Variants in MAP9 observed in about 807,000 individuals in gnomAD.
MAP9 encodes the protein microtubule associated protein 9, also known as microtubule-associated protein 9.
Under a neutral mutation model 75.2 loss-of-function variants are expected in MAP9, and 80 were observed. The ratio of observed to expected loss-of-function variants is 1.06; its 90% CI spans 0.89 to 1.28. The LOEUF (loss-of-function observed/expected upper bound fraction) is 1.28. Ranked by LOEUF, MAP9 falls within the 50% of genes most tolerant of loss-of-function variation. MAP9 has a pLI of 0.00. For missense variants in MAP9, 753 were observed against 719.9 expected (o/e 1.05, Z -0.53); for synonymous variants, 235 against 237.3 (o/e 0.99, Z 0.09).
intron 3 of MAP9, among the ~76,000 whole-genome samples, chr4:155,374,643 G>A (rs1276951201): frequency 6.6e-6 from 1 of 152,148 alleles, no homozygotes; most frequent in African/African-American, 2.4e-5. Context: ...CTTCTTCAAT[G>A]TGGTTTACCA....
intron 5 of MAP9, among the ~76,000 whole-genome samples, chr4:155,366,558 AT>A (rs1002448083): frequency 1.6e-4 from 25 of 152,326 alleles, no homozygotes; most frequent in African/African-American, 6.0e-4. Flanking sequence ...AAAACGTTTA[AT>A]AAAACTAAGC....
intron 7 of MAP9, among the ~76,000 whole-genome samples, chr4:155,359,450 G>A (rs991131837): frequency 6.6e-6 from 1 of 151,962 alleles, no homozygotes; most frequent in Admixed American, 6.6e-5. Context: ...AGGTGAGAGG[G>A]AGGTGCGGGA....
In MAP9 at chr4:155,373,448, C is replaced by A; in HGVS notation, c.169G>T (p.Gly57Cys). The A allele has an allele frequency of 2.0e-6, 3 of 1,514,402 alleles. No individual in the cohort carries two copies. The highest frequency in any genetic ancestry group is 1.3e-5 in the South Asian group (1 of 76,168). The allele number at this position is 1,514,402 out of a possible 1,614,324, so 93.8% of individuals were successfully genotyped here. Residue 57 changes from glycine to cysteine, a missense_variant, in exon 4 of 14, where the codon GGT becomes TGT. Physicochemically the swap from Gly to Cys is radical, Grantham distance 159 (BLOSUM62 -3). Coordinates refer to ENST00000311277, the MANE Select transcript of MAP9 (RefSeq NM_001039580.2). ...TCTGCTGAAGTGTCAGAAAAATCACCTAAAGAAACTGAAAAATGGAAAAGA... is the reference window on the plus strand; with the variant it reads ...TCTGCTGAAGTGTCAGAAAAATCACATAAAGAAACTGAAAAATGGAAAAGA... ...DFDSDEIVSL[G>C]DFSDTSADEN...
rs1321758450 is a variant in MAP9, at chr4:155,373,256, A to G, written c.361T>C (p.Cys121Arg). 1 of 1,613,348 alleles carries G rather than the reference A, an allele frequency of 6.2e-7. No individual in the cohort carries two copies. The highest frequency in any genetic ancestry group is 2.2e-5 in the East Asian group (1 of 44,820). Residue 121 changes from cysteine to arginine, a missense_variant, in exon 4 of 14, where the codon TGT becomes CGT. Transcript: ENST00000311277. ...AAAGATTTTACAACAATGTCTTCAC[A>G]CCCATCAGGTGCCATTTCCTCTTCA... ...KNEEEMAPDG[C>R]EDIVVKSFSE... is the part of the protein sequence containing the mutation.
Position 155,344,170 on chromosome 4 carries a change from C to T in MAP9, c.*3613G>A, listed in dbSNP as rs1185705810. 6.6e-6 allele frequency: 1 copy of T among 151,840 alleles called. No individual in the cohort carries two copies. Among genetic ancestry groups the T allele is most frequent in the Non-Finnish European group, 1.5e-5 (1 of 67,858 alleles). 9.4% of individuals were successfully genotyped at this position (151,840 alleles called of 1,614,324 possible). On this transcript the variant is annotated 3_prime_UTR_variant, in exon 14 of 14. Transcript: ENST00000311277. ...AGGATTTAAGAAACTTCATTATTTC[C>T]CCTCACTTTAAAGTGTAGGTACCCA...
At chr4:155,366,616 T>C (rs749605632) in intron 5 of MAP9, among the ~76,000 whole-genome samples, 2 of 152,144 alleles carry the variant, frequency 1.3e-5, no homozygotes, top group Non-Finnish European at 2.9e-5. Flanking sequence ...ACAAATTATA[T>C]ATGTTAGAAA....
At chr4:155,351,065 A>T (rs1299579299) in intron 13 of MAP9, 1 of 151,968 alleles carries the variant, frequency 6.6e-6, no homozygotes, top group African/African-American at 2.4e-5. Context: ...GGTCAGAAAG[A>T]CTGTGAAAGA....
intron 3 of MAP9, among the ~76,000 whole-genome samples, 161 bp downstream of exon 3, chr4:155,374,776 C>G (rs1456829980): frequency 1.3e-5 from 2 of 152,182 alleles, no homozygotes; most frequent in African/African-American, 4.8e-5. Flanking sequence ...TTAAGAGTGG[C>G]TTTCTACTAA....
chr4:155,376,924 T>C lies in MAP9; in HGVS notation c.-218A>G, dbSNP rs998421304. ...GGGTCTCTCGGGTACCCAACACCGC[T>C]CTTCGGCCCAACGTGTCGCTGGGGC... On this transcript the variant is annotated 5_prime_UTR_variant, in exon 1 of 14. Coordinates refer to ENST00000311277, the MANE Select transcript of MAP9 (RefSeq NM_001039580.2). The C allele has an allele frequency of 2.0e-5, 3 of 152,602 alleles. No homozygotes were observed. The highest frequency in any genetic ancestry group is 7.2e-5 in the African/African-American group (3 of 41,508). 9.5% of individuals were successfully genotyped at this position (152,602 alleles called of 1,614,324 possible).
chr4:155,355,379 T>C (rs966024886), intron 9 of MAP9, among the ~76,000 whole-genome samples: 4 of 152,138 alleles, frequency 2.6e-5, no homozygotes, highest in African/African-American at 9.6e-5. Flanking sequence ...AAAAATTTAA[T>C]AACTTTTTGT....
At position 155,347,756 on chromosome 4, in the gene MAP9, A is replaced by T; in HGVS notation, c.*27T>A. ...GGCTAATATTGGCAAACCGATAAAT[A>T]ACCAAATAATGTAAGAACTAGAATT... On this transcript the variant is annotated 3_prime_UTR_variant, in exon 14 of 14. Transcript: ENST00000311277. 6.4e-7 allele frequency: 1 copy of T among 1,566,980 alleles called. No individual in the cohort carries two copies. Among genetic ancestry groups the T allele is most frequent in the Non-Finnish European group, 8.6e-7 (1 of 1,160,064 alleles).
At chr4:155,362,401 T>A in intron 5 of MAP9, 1 of 301,896 alleles carries the variant, frequency 3.3e-6, no homozygotes, top group Admixed American at 5.1e-5. Context: ...ACCTCTCTAT[T>A]TATTTTTTAC....
intron 10 of MAP9, 82 bp downstream of exon 10, chr4:155,354,989 C>A: frequency 1.7e-6 from 1 of 582,430 alleles, no homozygotes; most frequent in South Asian, 2.3e-5. Flanking sequence ...ATTTAAAAAG[C>A]TGATTTAGAA....
At chr4:155,357,023 C>T (rs1731822624) in intron 8 of MAP9, 1 of 169,984 alleles carries the variant, frequency 5.9e-6, no homozygotes, top group Non-Finnish European at 1.2e-5. Context: ...GACAATGATA[C>T]TTGATAATGA....
At position 155,343,234 on chromosome 4, in the gene MAP9, GTA is replaced by G. The variant is rs1731174005; in HGVS notation, c.*4547_*4548del. 1.3e-5 allele frequency: 2 copies of G among 150,272 alleles called. No homozygotes were observed. The highest frequency in any genetic ancestry group is 1.3e-4 in the Admixed American group (2 of 15,038). 9.3% of individuals were successfully genotyped at this position (150,272 alleles called of 1,614,324 possible). ...ATTATATATATATGCATACATATTT[GTA>G]TATACACACAGATAGCACAGGAGAG... On this transcript the variant is annotated 3_prime_UTR_variant, in exon 14 of 14. Coordinates refer to ENST00000311277, the MANE Select transcript of MAP9 (RefSeq NM_001039580.2).
rs543909155 is a variant in MAP9, at chr4:155,343,469, A to G, written c.*4314T>C. On this transcript the variant is annotated 3_prime_UTR_variant, in exon 14 of 14. Transcript: ENST00000311277. ...CATTTTCTAATTATTTAATAATTAT[A>G]TAATTATATTATCTCTCTCTGTAAT... 1 of 151,628 alleles carries G rather than the reference A, an allele frequency of 6.6e-6. No individual in the cohort carries two copies. Among genetic ancestry groups the G allele is most frequent in the East Asian group, 1.9e-4 (1 of 5,180 alleles). 9.4% of individuals were successfully genotyped at this position (151,628 alleles called of 1,614,324 possible).
chr4:155,369,058 C>CA (rs1732467695), intron 4 of MAP9, among the ~76,000 whole-genome samples: 1 of 152,152 alleles, frequency 6.6e-6, no homozygotes, highest in Non-Finnish European at 1.5e-5. Context: ...AGCGGTGACT[C>CA]ACGCCTGTAA....
chr4:155,347,673 G>T lies in MAP9; in HGVS notation c.*110C>A. 1 of 1,054,690 alleles carries T rather than the reference G, an allele frequency of 9.5e-7. No individual in the cohort carries two copies. The highest frequency in any genetic ancestry group is 2.1e-5 in the South Asian group (1 of 46,740). 65.3% of individuals were successfully genotyped at this position (1,054,690 alleles called of 1,614,324 possible). A position where few individuals can be genotyped will look rare whatever the true frequency, so the allele number is the denominator to read the frequency against. ...TCTTTCATTGTCAGCAGGAGTGTCT[G>T]GCATTTAATTAAAATATATTCCTCT... On this transcript the variant is annotated 3_prime_UTR_variant, in exon 14 of 14. Transcript: ENST00000311277.
intron 10 of MAP9, among the ~76,000 whole-genome samples, chr4:155,353,643 T>A (rs1560804431): frequency 6.6e-6 from 1 of 151,856 alleles, no homozygotes; most frequent in Admixed American, 6.6e-5. Flanking sequence ...ACAAATTATA[T>A]CAAAATAAAC....
Sources: gnomAD v4.1 joint callset for allele counts (sites outside exome capture counted in the v4.1 genomes callset) on GRCh38, gnomAD v4.1.1 for gene constraint, MANE v1.5 for transcripts, NCBI Gene and HGNC (gene_info 2026-07-23, HGNC 2026-07-21) for gene names.